ASCC1: variants seen among roughly 807,000 people sequenced by gnomAD.
The protein encoded by ASCC1 is activating signal cointegrator 1 complex subunit 1.
In ASCC1, 35 loss-of-function variants were observed where a neutral mutation model predicts 46.6. The observed-to-expected ratio is 0.75, with a 90% CI of 0.57 to 0.99. The LOEUF is 0.99. Ranked by LOEUF, ASCC1 falls within the 50% of genes least tolerant of loss-of-function variation. The probability of loss-of-function intolerance (pLI) is 0.00; values close to 1 mark genes in which losing one functional copy is unlikely to be tolerated. For missense variants in ASCC1, 376 were observed against 428.7 expected (o/e 0.88, Z 1.09); for synonymous variants, 143 against 146.6 (o/e 0.98, Z 0.18).
chr10:72,114,070 C>G (rs956054530), intron 9 of ASCC1, among the ~76,000 whole-genome samples: 11 of 152,170 alleles, frequency 7.2e-5, no homozygotes, highest in Admixed American at 2.0e-4. Context: ...TGCCTTCAAA[C>G]AAAATCACTG....
In ASCC1 at chr10:72,197,287, C is replaced by T. The variant is rs187935988; in HGVS notation, c.311-298G>A. ...GAGATCGAGACCATCCTGGCTAACA[C>T]AGTGAAACCCCACCTCTACTAAAAA... On this transcript the variant is annotated intron_variant, in intron 4 of 9. Transcript: ENST00000672957. 4.4e-4 allele frequency among the ~76,000 whole-genome samples: 66 copies of T among 151,700 alleles called. No individual in the cohort carries two copies. In the Middle Eastern group the frequency reaches 0.01, roughly 23 times the overall value.
chr10:72,107,784 C>T (rs1006565481), intron 9 of ASCC1, among the ~76,000 whole-genome samples: 2 of 152,290 alleles, frequency 1.3e-5, no homozygotes, highest in African/African-American at 2.4e-5. Context: ...GGAATCTTAA[C>T]ATATTGTAAG....
chr10:72,138,484 C>T (rs887506360), intron 7 of ASCC1, among the ~76,000 whole-genome samples: 2 of 152,026 alleles, frequency 1.3e-5, no homozygotes, highest in African/African-American at 4.8e-5. Flanking sequence ...GTGTAACCTG[C>T]TCTTTTTACA....
At chr10:72,143,005 C>A (rs1019412459) in intron 7 of ASCC1, among the ~76,000 whole-genome samples, 1 of 151,522 alleles carries the variant, frequency 6.6e-6, no homozygotes, top group South Asian at 2.1e-4. Context: ...ACTAAAAATA[C>A]GAAAAATTAG....
At chr10:72,134,748 G>A (rs1265382909) in intron 7 of ASCC1, among the ~76,000 whole-genome samples, 1 of 152,144 alleles carries the variant, frequency 6.6e-6, no homozygotes, top group Non-Finnish European at 1.5e-5. Flanking sequence ...CTGGGAACCA[G>A]CAAAGACAAC....
chr10:72,096,374 G>T lies in ASCC1; in HGVS notation c.*960C>A. Reference sequence around the variant, plus strand: ...GATATCATCAGTTTCTTTTGCTGCTGCCTTGAAAAGTAAACAAAAAAGGGC... The same window carrying T: ...GATATCATCAGTTTCTTTTGCTGCTTCCTTGAAAAGTAAACAAAAAAGGGC... On this transcript the variant is annotated 3_prime_UTR_variant, in exon 10 of 10. Transcript: ENST00000672957. 2.2e-6 allele frequency: 1 copy of T among 454,070 alleles called. No homozygotes were observed. The highest frequency in any genetic ancestry group is 1.6e-5 in the South Asian group (1 of 64,476). 28.1% of individuals were successfully genotyped at this position (454,070 alleles called of 1,614,324 possible).
At chr10:72,213,493 T>G in intron 1 of ASCC1, 162 bp from the exon 2 acceptor site, 1 of 586,494 alleles carries the variant, frequency 1.7e-6, no homozygotes, top group Non-Finnish European at 3.1e-6. Context: ...TAAACCAGTT[T>G]AGGTTAATTG....
intron 3 of ASCC1, chr10:72,204,613 G>A: frequency 7.2e-7 from 1 of 1,393,108 alleles, no homozygotes; most frequent in Admixed American, 2.4e-5. Flanking sequence ...TAACCTCTAT[G>A]ACTTCAATTA....
At chr10:72,112,580 C>A (rs745640259) in intron 9 of ASCC1, among the ~76,000 whole-genome samples, 11 of 151,946 alleles carry the variant, frequency 7.2e-5, no homozygotes, top group Non-Finnish European at 1.5e-4. Flanking sequence ...GTATATTTTA[C>A]CACAATTTAA....
At chr10:72,141,522 C>G (rs935146663) in intron 7 of ASCC1, among the ~76,000 whole-genome samples, 1 of 152,088 alleles carries the variant, frequency 6.6e-6, no homozygotes. Flanking sequence ...CAGGGAAAAT[C>G]AGCAAAGTCT....
At chr10:72,192,704 G>C (rs575081633) in intron 5 of ASCC1, among the ~76,000 whole-genome samples, 1 of 152,130 alleles carries the variant, frequency 6.6e-6, no homozygotes, top group African/African-American at 2.4e-5. Context: ...CTGTTGGCAA[G>C]GCTCGTCTCA....
At chr10:72,109,222 C>T (rs943747734) in intron 9 of ASCC1, among the ~76,000 whole-genome samples, 1 of 152,152 alleles carries the variant, frequency 6.6e-6, no homozygotes, top group East Asian at 1.9e-4. Flanking sequence ...TTATCAACAT[C>T]GTGGCCTCTA....
In ASCC1 at chr10:72,118,354, G is replaced by A. The variant is rs185023506; in HGVS notation, c.957+9728C>T. Among the ~76,000 whole-genome samples, 1,061 of 143,696 alleles carry A rather than the reference G, an allele frequency of 7.4e-3. 17 individuals carry two copies. Among genetic ancestry groups the A allele is most frequent in the African/African-American group, 0.026 (996 of 38,820 alleles). The allele number at this position is 143,696 out of a possible 152,430, so 94.3% of individuals were successfully genotyped here. On this transcript the variant is annotated intron_variant, in intron 9 of 9. Coordinates refer to ENST00000672957, the MANE Select transcript of ASCC1 (RefSeq NM_001198800.3). ...TGCACTCCAGCCCGGGTGACAGAGCGAGACTCCATCTCAAAAAAAAAAAAA... is the reference window on the plus strand; with the variant it reads ...TGCACTCCAGCCCGGGTGACAGAGCAAGACTCCATCTCAAAAAAAAAAAAA...
At chr10:72,217,036 C>A (rs1859476991), upstream of ASCC1, 1 of 454,266 alleles carries the variant, frequency 2.2e-6, no homozygotes, top group East Asian at 6.9e-5. Flanking sequence ...GCCCTGCGTT[C>A]TGTCGTTTGT....
Position 72,125,067 on chromosome 10 carries a change from A to C in ASCC1, c.957+3015T>G, listed in dbSNP as rs544294971. On this transcript the variant is annotated intron_variant, in intron 9 of 9. Coordinates refer to ENST00000672957, the MANE Select transcript of ASCC1 (RefSeq NM_001198800.3). Reference sequence around the variant, plus strand: ...GAAAAATGTGGCTTCCATCTGCAACAGTCATTAAAGATTTCTTTTTTCTTA... The same window carrying C: ...GAAAAATGTGGCTTCCATCTGCAACCGTCATTAAAGATTTCTTTTTTCTTA... 3.2e-4 allele frequency among the ~76,000 whole-genome samples: 49 copies of C among 152,332 alleles called. No individual in the cohort carries two copies. In the East Asian group the frequency reaches 8.9e-3, roughly 28 times the overall value.
intron 5 of ASCC1, among the ~76,000 whole-genome samples, chr10:72,176,673 A>G (rs939316613): frequency 6.6e-6 from 1 of 152,048 alleles, no homozygotes; most frequent in Admixed American, 6.6e-5. Context: ...TCTATAGGAT[A>G]TTACATTCAA....
chr10:72,171,473 C>CTGGA (rs1851073794), intron 5 of ASCC1, among the ~76,000 whole-genome samples: 1 of 152,030 alleles, frequency 6.6e-6, no homozygotes. Flanking sequence ...GTCGCCCAGG[C>CTGGA]TGGAGTACAA....
chr10:72,117,197 T>C (rs944896004), intron 9 of ASCC1, among the ~76,000 whole-genome samples: 3 of 152,250 alleles, frequency 2.0e-5, no homozygotes, highest in Admixed American at 2.0e-4. Context: ...ATAACTCTAG[T>C]ATGTCATATA....
intron 5 of ASCC1, among the ~76,000 whole-genome samples, chr10:72,189,417 T>C (rs1483957889): frequency 1.3e-5 from 2 of 149,454 alleles, no homozygotes; most frequent in African/African-American, 2.5e-5. Context: ...CAAAAAAAAA[T>C]AAAAATAAAA....
Sources: gnomAD v4.1 joint callset for allele counts (sites outside exome capture counted in the v4.1 genomes callset) on GRCh38, gnomAD v4.1.1 for gene constraint, MANE v1.5 for transcripts, NCBI Gene and HGNC (gene_info 2026-07-23, HGNC 2026-07-21) for gene names.